Variants in ARPC4 observed in about 807,000 individuals in gnomAD.
The protein encoded by ARPC4 is actin related protein 2/3 complex subunit 4, also known as actin-related protein 2/3 complex subunit 4.
A neutral mutation model predicts 22.8 loss-of-function variants in ARPC4; 3 were observed. The ratio of observed to expected loss-of-function variants is 0.13; its 90% confidence interval spans 0.06 to 0.34. The LOEUF (loss-of-function observed/expected upper bound fraction) is 0.34. Among genes scored for constraint, ARPC4 ranks in the 10% least tolerant of loss-of-function variants. The pLI is 1.00. For synonymous variants in ARPC4, 80 were observed against 72.5 expected (o/e 1.10, Z -0.52); for missense variants, 98 against 211.0 (o/e 0.46, Z 3.32).
chr3:9,795,695 A>G (rs1342359008), intron 1 of ARPC4, among the ~76,000 whole-genome samples: 1 of 152,178 alleles, frequency 6.6e-6, no homozygotes, highest in Non-Finnish European at 1.5e-5. Context: ...GAGACACTGT[A>G]TATGTTAGGT....
chr3:9,799,265 G>A (rs536605095), intron 2 of ARPC4, among the ~76,000 whole-genome samples: 3 of 152,248 alleles, frequency 2.0e-5, no homozygotes, highest in South Asian at 4.1e-4. Flanking sequence ...ATTCCTAAAT[G>A]GTATATTGGT....
chr3:9,799,542 G>T (rs373989029), intron 2 of ARPC4, among the ~76,000 whole-genome samples: 3 of 151,582 alleles, frequency 2.0e-5, no homozygotes, highest in Non-Finnish European at 4.4e-5. Flanking sequence ...TCCTGAGTTC[G>T]AGCAATTCTC....
intron 1 of ARPC4, among the ~76,000 whole-genome samples, chr3:9,795,189 G>A (rs1057289420): frequency 5.3e-5 from 8 of 152,016 alleles, no homozygotes; most frequent in African/African-American, 1.2e-4. Flanking sequence ...TAGTAGAGAC[G>A]GGGTTTTGCC....
At position 9,800,169 on chromosome 3, in the gene ARPC4, C is replaced by G. The variant is rs528059122; in HGVS notation, c.123-16C>G. ...TCCCTCTGTAGTACAAGTACTCTGT[C>G]ACATTATGTTTTCAGGAGTAGCAAA... On this transcript the variant is annotated splice_polypyrimidine_tract_variant and intron_variant, in intron 2 of 5. Transcript: ENST00000397261. 2.5e-6 allele frequency: 4 copies of G among 1,613,334 alleles called. No individual in the cohort carries two copies. In the South Asian group the frequency reaches 4.4e-5, roughly 18 times the overall value.
chr3:9,800,722 G>T (rs1186095843), intron 3 of ARPC4, among the ~76,000 whole-genome samples: 1 of 152,098 alleles, frequency 6.6e-6, no homozygotes, highest in Non-Finnish European at 1.5e-5. Context: ...ACCATGCCTG[G>T]CCAGTAGAGG....
intron 3 of ARPC4, 64 bp downstream of exon 3, chr3:9,800,360 C>A: frequency 6.6e-7 from 1 of 1,524,236 alleles, no homozygotes. Context: ...CTCTTTCAGT[C>A]CGGGGTCCCC....
At chr3:9,802,736 G>A (rs1330075890) in intron 4 of ARPC4, among the ~76,000 whole-genome samples, 2 of 146,980 alleles carry the variant, frequency 1.4e-5, no homozygotes, top group African/African-American at 2.5e-5. Flanking sequence ...GTGCAGTGGC[G>A]CAGTCTCACT....
At chr3:9,795,531 C>T (rs929584167) in intron 1 of ARPC4, among the ~76,000 whole-genome samples, 1 of 152,168 alleles carries the variant, frequency 6.6e-6, no homozygotes, top group Non-Finnish European at 1.5e-5. Flanking sequence ...ATGATCTTAC[C>T]TCAGCCTACC....
intron 2 of ARPC4, 169 bp downstream of exon 2, chr3:9,797,946 G>C: frequency 1.4e-6 from 1 of 699,446 alleles, no homozygotes; most frequent in South Asian, 1.9e-5. Context: ...AAGAAAATAG[G>C]GTCAGTGGGT....
At chr3:9,792,761 G>A (rs1424795228), upstream of ARPC4, 2 of 1,245,178 alleles carry the variant, frequency 1.6e-6, no homozygotes, top group Non-Finnish European at 2.0e-6. Context: ...CGAAGGGCTC[G>A]TCCGCTTCGG....
intron 2 of ARPC4, 198 bp downstream of exon 2, chr3:9,797,975 G>A (rs1227359211): frequency 3.4e-6 from 2 of 584,368 alleles, no homozygotes; most frequent in African/African-American, 1.9e-5. Context: ...CAGAACCCAG[G>A]GGAAAAGACA....
chr3:9,801,631 A>T, intron 3 of ARPC4, 30 bp from the exon 4 acceptor site: 1 of 1,577,228 alleles, frequency 6.3e-7, no homozygotes, highest in South Asian at 1.1e-5. Flanking sequence ...TGTCAGCTTT[A>T]GAGAAACATT....
At chr3:9,801,337 G>T (rs2079006659) in intron 3 of ARPC4, among the ~76,000 whole-genome samples, 1 of 151,828 alleles carries the variant, frequency 6.6e-6, no homozygotes, top group African/African-American at 2.4e-5. Flanking sequence ...TAGCCCAGGT[G>T]ATGCTGCAAA....
upstream of ARPC4, chr3:9,792,930 A>G (rs2078778408): frequency 6.4e-6 from 9 of 1,397,694 alleles, no homozygotes; most frequent in Non-Finnish European, 8.3e-6. Context: ...ATTTAAAAAT[A>G]CCGAGACAGC....
chr3:9,792,856 C>T (rs1233281647), upstream of ARPC4: 24 of 1,368,680 alleles, frequency 1.8e-5, no homozygotes, highest in Non-Finnish European at 2.0e-5. Flanking sequence ...ACAAGAAGGC[C>T]GAAGGCACAA....
intron 1 of ARPC4, among the ~76,000 whole-genome samples, chr3:9,793,648 T>C (rs2078808694): frequency 2.0e-5 from 3 of 152,214 alleles, no homozygotes; most frequent in Admixed American, 1.3e-4. Flanking sequence ...ATTCAGGCCC[T>C]TCCTGGTCAG....
chr3:9,792,532 T>C (rs2078764577), upstream of ARPC4: 14 of 1,224,104 alleles, frequency 1.1e-5, no homozygotes, highest in Non-Finnish European at 1.4e-5. Flanking sequence ...AGGGCGAGCC[T>C]ACTGGAGTTT....
At chr3:9,799,953 A>C in intron 2 of ARPC4, 1 of 638,224 alleles carries the variant, frequency 1.6e-6, no homozygotes, top group Non-Finnish European at 2.9e-6. Flanking sequence ...TAACTTGCCC[A>C]AGGAAAGTAA....
chr3:9,801,014 C>G (rs1015164118), intron 3 of ARPC4, among the ~76,000 whole-genome samples: 2 of 151,658 alleles, frequency 1.3e-5, no homozygotes, highest in Admixed American at 1.3e-4. Flanking sequence ...AGTTCAAGAC[C>G]AGCCTGGCCA....
Sources: gnomAD v4.1 joint callset for allele counts (sites outside exome capture counted in the v4.1 genomes callset) on GRCh38, gnomAD v4.1.1 for gene constraint, MANE v1.5 for transcripts, NCBI Gene and HGNC (gene_info 2026-07-23, HGNC 2026-07-21) for gene names.